The following RCN1 variants were observed in gnomAD, a reference collection of about 807,000 sequenced individuals.
RCN1 encodes the protein reticulocalbin-1.
RCN1 carries 14 observed loss-of-function variants against 34.7 expected under a neutral mutation model. That is an observed-to-expected ratio of 0.40 (90% CI 0.27 to 0.63). RCN1 has a LOEUF of 0.63. Among genes scored for constraint, RCN1 ranks in the 30% least tolerant of loss-of-function variants. The pLI, the probability that RCN1 is intolerant of heterozygous loss-of-function variation, is 0.37. For synonymous variants in RCN1, 125 were observed against 165.5 expected, an observed-to-expected ratio of 0.76 and a Z score of 1.88; for missense variants, 326 against 425.1, an observed-to-expected ratio of 0.77 and a Z score of 2.05.
intron 3 of RCN1, among the ~76,000 whole-genome samples, chr11:32,098,923 T>G (rs1852004568): frequency 6.6e-6 from 1 of 152,192 alleles, no homozygotes; most frequent in Non-Finnish European, 1.5e-5. Flanking sequence ...AGTCTTTGTT[T>G]ACTCTTCCGG....
chr11:32,091,090 C>A lies in RCN1; in HGVS notation c.-107C>A. 7.8e-7 allele frequency: 1 copy of A among 1,283,080 alleles called. No individual in the cohort carries two copies. Among genetic ancestry groups the A allele is most frequent in the Non-Finnish European group, 1.0e-6 (1 of 996,554 alleles). 79.5% of individuals were successfully genotyped at this position (1,283,080 alleles called of 1,614,324 possible). On this transcript the variant is annotated 5_prime_UTR_variant, in exon 1 of 6. Transcript: ENST00000054950. ...GGACTGGCCAGTCCCCTCCTCCGCG[C>A]CGGCCCCAACCCTGTCGCTGCCGCC...
Position 32,100,585 on chromosome 11 carries a change from T to C in RCN1, c.665T>C (p.Phe222Ser). 1 of 1,614,078 alleles carries C rather than the reference T, an allele frequency of 6.2e-7. No individual in the cohort carries two copies. The highest frequency in any genetic ancestry group is 1.7e-5 in the Admixed American group (1 of 60,016). The stretch of plus-strand genomic sequence containing the variant: ...GACATCGACAAGAACGGGGATGGGT[T>C]TGTGGATCAGGATGAGTATATTGGT... Reference protein sequence around the residue: ...LEDIDKNGDGFVDQDEYIADM... With the variant: ...LEDIDKNGDGSVDQDEYIADM... The change falls in exon 4 of 6, where the codon TTT (phenylalanine) becomes TCT (serine). Residue 222 changes from phenylalanine to serine, a missense_variant. Phe to Ser is a radical substitution (Grantham distance 155, BLOSUM62 -2). Coordinates refer to ENST00000054950, the MANE Select transcript of RCN1 (RefSeq NM_002901.4).
Position 32,091,406 on chromosome 11 carries a change from G to T in RCN1, c.210G>T (p.Lys70Asn). The T allele has an allele frequency of 6.5e-7, 1 of 1,549,040 alleles. No homozygotes were observed. The highest frequency in any genetic ancestry group is 1.2e-5 in the South Asian group (1 of 83,660). The stretch of plus-strand genomic sequence containing the variant: ...CCTTCCTGGGCAAGGAGGACTCCAA[G>T]ACCTTCGACCAGCTCACCCCGGACG... ...HEAFLGKEDS[K>N]TFDQLTPDES... is the part of the protein sequence containing the mutation. Residue 70 changes from lysine to asparagine, a missense_variant, in exon 1 of 6, where the codon AAG becomes AAT. Physicochemically the swap from Lys to Asn is moderately conservative, Grantham distance 94. Transcript: ENST00000054950.
At chr11:32,095,457 G>C (rs1376792324) in intron 1 of RCN1, among the ~76,000 whole-genome samples, 1 of 151,990 alleles carries the variant, frequency 6.6e-6, no homozygotes, top group Non-Finnish European at 1.5e-5. Flanking sequence ...GCCCAGGCTG[G>C]AGTGCAGTGG....
At chr11:32,092,640 T>C (rs1851935214) in intron 1 of RCN1, among the ~76,000 whole-genome samples, 1 of 152,192 alleles carries the variant, frequency 6.6e-6, no homozygotes, top group Non-Finnish European at 1.5e-5. Context: ...ACTTGGGCAC[T>C]GTGCGGAGGT....
intron 1 of RCN1, among the ~76,000 whole-genome samples, chr11:32,095,414 TTTTTTTATTTTGAGACGGAGTC>T (rs1851961976): frequency 6.6e-6 from 1 of 151,682 alleles, no homozygotes; most frequent in Non-Finnish European, 1.5e-5. Flanking sequence ...TCCTGGCTAA[TTTTTTTATTTTGAGACGGAGTC>T]TTGCCCTGTC....
chr11:32,091,511 A>G (rs223045), intron 1 of RCN1, 61 bp downstream of exon 1: 735,885 of 1,516,186 alleles, frequency 0.49, 181,614 homozygotes, highest in East Asian at 0.71. Flanking sequence ...CGCCTGGGCG[A>G]GAGCCACGCG....
intron 4 of RCN1, chr11:32,102,971 C>T: frequency 2.0e-6 from 1 of 499,898 alleles, no homozygotes; most frequent in South Asian, 1.6e-5. Flanking sequence ...ATAATAGCCC[C>T]ATGATTTATA....
At chr11:32,091,703 G>T in intron 1 of RCN1, 1 of 492,924 alleles carries the variant, frequency 2.0e-6, no homozygotes, top group Non-Finnish European at 3.5e-6. Flanking sequence ...CGTGGCAGCG[G>T]CCGCGGGAGC....
At chr11:32,096,947 A>G in intron 1 of RCN1, 197 bp from the exon 2 acceptor site, 1 of 524,058 alleles carries the variant, frequency 1.9e-6, no homozygotes, top group Non-Finnish European at 3.3e-6. Flanking sequence ...GGTTGGGGGA[A>G]AGCACATCAA....
chr11:32,094,029 G>A (rs1239711907), intron 1 of RCN1, among the ~76,000 whole-genome samples: 1 of 152,198 alleles, frequency 6.6e-6, no homozygotes, highest in Non-Finnish European at 1.5e-5. Flanking sequence ...CCACCAGATG[G>A]GTGATGGATG....
At chr11:32,103,941 A>G (rs964843427) in intron 5 of RCN1, among the ~76,000 whole-genome samples, 1 of 152,248 alleles carries the variant, frequency 6.6e-6, no homozygotes, top group Non-Finnish European at 1.5e-5. Context: ...CTATTGATAA[A>G]CATCCAAATA....
chr11:32,099,672 A>G (rs1288321389), intron 3 of RCN1, among the ~76,000 whole-genome samples: 2 of 152,224 alleles, frequency 1.3e-5, no homozygotes, highest in East Asian at 3.8e-4. Context: ...GCACCAACCC[A>G]GTTCCAACTG....
At position 32,105,074 on chromosome 11, in the gene RCN1, ATG is replaced by A. The variant is rs1852095490; in HGVS notation, c.*604_*605del. 1 of 167,142 alleles carries A rather than the reference ATG, an allele frequency of 6.0e-6. No individual in the cohort carries two copies. Among genetic ancestry groups the A allele is most frequent in the Non-Finnish European group, 1.5e-5 (1 of 68,138 alleles). The allele number at this position is 167,142 out of a possible 1,614,324, so 10.4% of individuals were successfully genotyped here. A position where few individuals can be genotyped will look rare whatever the true frequency, so the allele number is the denominator to read the frequency against. ...ATCTGCTAATATGCACAGTAAATCC[ATG>A]TCTTTGTTTGTTTTTCTATTAAAAA... On this transcript the variant is annotated 3_prime_UTR_variant, in exon 6 of 6. Coordinates refer to ENST00000054950, the MANE Select transcript of RCN1 (RefSeq NM_002901.4).
In RCN1 at chr11:32,091,238, G is replaced by A. The variant is rs1440626061; in HGVS notation, c.42G>A (p.Leu14=). 2 of 1,528,640 alleles carry A rather than the reference G, an allele frequency of 1.3e-6. No individual in the cohort carries two copies. Among genetic ancestry groups the A allele is most frequent in the Non-Finnish European group, 1.8e-6 (2 of 1,138,680 alleles). The allele number at this position is 1,528,640 out of a possible 1,614,324, so 94.7% of individuals were successfully genotyped here. The stretch of plus-strand genomic sequence containing the variant: ...GCGGCCGCCGCCTGGGGTTAGCCCT[G>A]GGGCTGCTGCTGGCGCTGGTGCTGG... The part of the protein sequence containing the change: ...GGRGRRLGLA[L]GLLLALVLAP... Residue 14 remains leucine (L), a synonymous_variant, in exon 1 of 6, where the codon CTG becomes CTA. Transcript: ENST00000054950.
At chr11:32,104,217 A>G (rs1590220946) in intron 5 of RCN1, 148 bp from the exon 6 acceptor site, 2 of 580,782 alleles carry the variant, frequency 3.4e-6, no homozygotes, top group African/African-American at 1.9e-5. Flanking sequence ...CAATGCAGTC[A>G]TGGTAGATGA....
intron 4 of RCN1, among the ~76,000 whole-genome samples, chr11:32,101,243 C>T (rs1388286850): frequency 1.6e-5 from 2 of 121,890 alleles, no homozygotes; most frequent in African/African-American, 5.9e-5. Flanking sequence ...CCCCAAATCC[C>T]CCCCAGCCCA....
At chr11:32,100,406 C>A in intron 3 of RCN1, 142 bp from the exon 4 acceptor site, 1 of 659,200 alleles carries the variant, frequency 1.5e-6, no homozygotes, top group Non-Finnish European at 2.7e-6. Flanking sequence ...AGATAAAAAA[C>A]TAGTTCCCAG....
At chr11:32,091,747 T>C (rs576956000) in intron 1 of RCN1, 2 of 438,362 alleles carry the variant, frequency 4.6e-6, no homozygotes, top group East Asian at 9.1e-5. Flanking sequence ...TCCCCCAGGT[T>C]GCATCAGAAG....
Sources: gnomAD v4.1 joint callset for allele counts (sites outside exome capture counted in the v4.1 genomes callset) on GRCh38, gnomAD v4.1.1 for gene constraint, MANE v1.5 for transcripts, NCBI Gene and HGNC (gene_info 2026-07-23, HGNC 2026-07-21) for gene names.